The following CA10 variants were observed in gnomAD, a reference collection of about 807,000 sequenced individuals.
CA10 encodes carbonic anhydrase 10 (inactive), also known as carbonic anhydrase-related protein 10.
In CA10, 14 loss-of-function variants were observed where a neutral mutation model predicts 44.2. The ratio of observed to expected loss-of-function variants is 0.32; its 90% CI spans 0.21 to 0.50. CA10 has a LOEUF of 0.50. Ranked by LOEUF, CA10 falls within the 20% of genes least tolerant of loss-of-function variation. The probability of loss-of-function intolerance (pLI) is 0.99; values close to 1 mark genes in which losing one functional copy is unlikely to be tolerated. For missense variants in CA10, 350 were observed against 409.7 expected (o/e 0.85, Z 1.26); for synonymous variants, 159 against 141.6 (o/e 1.12, Z -0.87).
intron 3 of CA10, among the ~76,000 whole-genome samples, chr17:51,842,078 T>TA (rs1349153004): frequency 1.2e-4 from 19 of 152,360 alleles, no homozygotes; most frequent in Non-Finnish European, 2.6e-4. Flanking sequence ...ATTCCTGTGA[T>TA]AGTCTGAGAC....
rs1266619973 is a variant in CA10 at position 51,795,584 on chromosome 17, C to G, written c.280-47766G>C. Among the ~76,000 whole-genome samples the G allele has an allele frequency of 2.0e-5, 3 of 152,208 alleles. No homozygotes were observed. The East Asian group carries it at 5.8e-4, about 29-fold the overall frequency. On this transcript the variant is annotated intron_variant, in intron 3 of 8. Transcript: ENST00000451037. ...CAGTGGCTACAAGAATTGTGGGTGA[C>G]TGAGGTTTTGTTTTATATTAACAGA...
chr17:52,088,232 G>GT (rs1988169687), intron 1 of CA10, among the ~76,000 whole-genome samples: 1 of 151,750 alleles, frequency 6.6e-6, no homozygotes, highest in Non-Finnish European at 1.5e-5. Context: ...CTTAAAAAAA[G>GT]TTTAAAAAAA....
At chr17:51,718,309 T>C (rs976234756) in intron 4 of CA10, among the ~76,000 whole-genome samples, 11 of 152,066 alleles carry the variant, frequency 7.2e-5, no homozygotes, top group African/African-American at 2.7e-4. Flanking sequence ...AAAAATAAAG[T>C]ATTGGAACTT....
intron 2 of CA10, among the ~76,000 whole-genome samples, chr17:52,030,100 C>T (rs1234430039): frequency 6.6e-6 from 1 of 152,180 alleles, no homozygotes; most frequent in South Asian, 2.1e-4. Flanking sequence ...CGTGTAGTAG[C>T]AAAGGCTTCT....
At chr17:51,887,158 CT>C (rs1980641041) in intron 3 of CA10, among the ~76,000 whole-genome samples, 1 of 151,410 alleles carries the variant, frequency 6.6e-6, no homozygotes, top group Non-Finnish European at 1.5e-5. Flanking sequence ...CTAATACAAT[CT>C]TATTCTTGAA....
chr17:51,800,941 G>C (rs1013916483), intron 3 of CA10, among the ~76,000 whole-genome samples: 3 of 152,066 alleles, frequency 2.0e-5, no homozygotes, highest in African/African-American at 4.8e-5. Context: ...GCCCTCTCTG[G>C]TCCTACCTGG....
chr17:51,758,998 G>A (rs1339901091), intron 3 of CA10, among the ~76,000 whole-genome samples: 1 of 152,116 alleles, frequency 6.6e-6, no homozygotes, highest in Non-Finnish European at 1.5e-5. Context: ...CAACAAGCAG[G>A]CCTAATCCGT....
In CA10 at chr17:51,705,636, C is replaced by T. The variant is rs557812778; in HGVS notation, c.465+41997G>A. ...GGTAATTCACTTGAAAAAAAAAATGCCTCAAAAGAAATCCACCCATATGTT... is the reference window on the plus strand; with the variant it reads ...GGTAATTCACTTGAAAAAAAAAATGTCTCAAAAGAAATCCACCCATATGTT... On this transcript the variant is annotated intron_variant, in intron 4 of 8. Coordinates refer to ENST00000451037, the MANE Select transcript of CA10 (RefSeq NM_020178.5). Among the ~76,000 whole-genome samples, 3 of 152,144 alleles carry T rather than the reference C, an allele frequency of 2.0e-5. No individual in the cohort carries two copies. In the South Asian group the frequency reaches 6.2e-4, roughly 32 times the overall value.
At chr17:52,084,585 G>C (rs1988069886) in intron 1 of CA10, among the ~76,000 whole-genome samples, 1 of 151,836 alleles carries the variant, frequency 6.6e-6, no homozygotes, top group African/African-American at 2.4e-5. Context: ...ACTTCAATGA[G>C]GATGATTCTC....
chr17:51,903,997 G>T (rs1598109528), intron 3 of CA10, among the ~76,000 whole-genome samples: 1 of 151,642 alleles, frequency 6.6e-6, no homozygotes, highest in East Asian at 1.9e-4. Context: ...CGTATGGTCT[G>T]GTGTGCATGT....
At chr17:51,777,969 G>A (rs186813748) in intron 3 of CA10, among the ~76,000 whole-genome samples, 84 of 152,280 alleles carry the variant, frequency 5.5e-4, no homozygotes, top group African/African-American at 2.0e-3. Flanking sequence ...TACAAATAAT[G>A]TGGTTATTGA....
intron 1 of CA10, among the ~76,000 whole-genome samples, chr17:52,112,757 A>G (rs1988813208): frequency 6.6e-6 from 1 of 152,216 alleles, no homozygotes; most frequent in African/African-American, 2.4e-5. Flanking sequence ...ATAAACAGCA[A>G]GAACAAATAT....
intron 3 of CA10, among the ~76,000 whole-genome samples, chr17:51,820,306 T>A (rs1907721608): frequency 6.8e-6 from 1 of 147,388 alleles, no homozygotes; most frequent in Admixed American, 7.0e-5. Context: ...CCTCCCCAAC[T>A]GACACACAGT....
chr17:51,760,985 G>A (rs572711075), intron 3 of CA10, among the ~76,000 whole-genome samples: 8 of 152,058 alleles, frequency 5.3e-5, no homozygotes, highest in South Asian at 2.1e-4. Flanking sequence ...ATTACAATTC[G>A]AACTCACCAC....
At position 52,111,784 on chromosome 17, in the gene CA10, C is replaced by A. The variant is rs146502689; in HGVS notation, c.62-39391G>T. 4.6e-3 allele frequency among the ~76,000 whole-genome samples: 695 copies of A among 152,234 alleles called. 6 individuals are homozygous for A. The highest frequency in any genetic ancestry group is 6.4e-3 in the Non-Finnish European group (436 of 68,010). The stretch of plus-strand genomic sequence containing the variant: ...TTTATGTTCAGTGCTCCTGGCTCTA[C>A]CTACATCTCCTTCTGAATTAATCAG... On this transcript the variant is annotated intron_variant, in intron 1 of 8. Coordinates refer to ENST00000451037, the MANE Select transcript of CA10 (RefSeq NM_020178.5).
chr17:52,016,877 C>A (rs890959313), intron 2 of CA10, among the ~76,000 whole-genome samples: 4 of 152,076 alleles, frequency 2.6e-5, no homozygotes, highest in Non-Finnish European at 4.4e-5. Context: ...TGTGCCACTG[C>A]CCTCCAGCCT....
At chr17:52,005,992 C>T (rs1053814306) in intron 2 of CA10, among the ~76,000 whole-genome samples, 1 of 151,816 alleles carries the variant, frequency 6.6e-6, no homozygotes, top group African/African-American at 2.4e-5. Context: ...ACACAGAGAG[C>T]GTCCTTTGTT....
Position 51,630,850 on chromosome 17 carries a change from C to G in CA10, c.*734G>C, listed in dbSNP as rs1256839532. On this transcript the variant is annotated 3_prime_UTR_variant, in exon 9 of 9. Coordinates refer to ENST00000451037, the MANE Select transcript of CA10 (RefSeq NM_020178.5). ...ATGACCTTTGGAAAACAAGAAACAG[C>G]AAATGGATCATTTCTGATCTTGGCA... 2 of 152,618 alleles carry G rather than the reference C, an allele frequency of 1.3e-5. No homozygotes were observed. Among genetic ancestry groups the G allele is most frequent in the Non-Finnish European group, 2.9e-5 (2 of 68,030 alleles). 9.5% of individuals were successfully genotyped at this position (152,618 alleles called of 1,614,324 possible).
intron 4 of CA10, among the ~76,000 whole-genome samples, chr17:51,667,513 G>A (rs1369988992): frequency 2.6e-5 from 4 of 151,638 alleles, no homozygotes; most frequent in Non-Finnish European, 4.4e-5. Context: ...TTCCCTATCC[G>A]TAAATTGGAA....
Sources: gnomAD v4.1 joint callset for allele counts (sites outside exome capture counted in the v4.1 genomes callset) on GRCh38, gnomAD v4.1.1 for gene constraint, MANE v1.5 for transcripts, NCBI Gene and HGNC (gene_info 2026-07-23, HGNC 2026-07-21) for gene names.